IYD: variants seen among roughly 807,000 people sequenced by gnomAD.
IYD encodes iodotyrosine deiodinase.
IYD carries 25 observed loss-of-function variants against 28.4 expected under a neutral mutation model. The observed-to-expected ratio is 0.88, with a 90% confidence interval of 0.64 to 1.23. The LOEUF is 1.23. IYD is among the 50% of genes most tolerant of loss of function. The probability of loss-of-function intolerance (pLI) is 0.00; values close to 1 mark genes in which losing one functional copy is unlikely to be tolerated. For synonymous variants in IYD, 140 were observed against 130.8 expected (o/e 1.07, Z -0.48); for missense variants, 352 against 357.9 (o/e 0.98, Z 0.13).
intron 1 of IYD, 107 bp downstream of exon 1, chr6:150,369,316 T>G (rs1010715890): frequency 2.1e-5 from 22 of 1,044,796 alleles, no homozygotes; most frequent in African/African-American, 9.4e-5. Context: ...ACAGGCCAGC[T>G]TCAACATCAA....
intron 1 of IYD, among the ~76,000 whole-genome samples, chr6:150,381,907 A>G (rs1777659277): frequency 6.6e-6 from 1 of 152,182 alleles, no homozygotes; most frequent in South Asian, 2.1e-4. Context: ...GTCTATTTCT[A>G]GTTTAGGACT....
rs1490790586 is a variant in IYD at position 150,398,266 on chromosome 6, G to A, written c.*29G>A. 6.2e-7 allele frequency: 1 copy of A among 1,608,812 alleles called. No homozygotes were observed. Among genetic ancestry groups the A allele is most frequent in the East Asian group, 2.2e-5 (1 of 44,836 alleles). On this transcript the variant is annotated 3_prime_UTR_variant, in exon 5 of 5. Coordinates refer to ENST00000344419, the MANE Select transcript of IYD (RefSeq NM_203395.3). The stretch of plus-strand genomic sequence containing the variant: ...GGGCCCCCCAAGGGAGTGGCAGGGA[G>A]ATGGCGCCCCTGCTTTTCCCTGAGC...
intron 1 of IYD, chr6:150,370,594 C>T: frequency 1.0e-6 from 1 of 985,382 alleles, no homozygotes; most frequent in Non-Finnish European, 1.2e-6. Context: ...AAACCTCTTC[C>T]ACTCAGAACG....
In IYD at chr6:150,398,701, C is replaced by A. The variant is rs1304143908; in HGVS notation, c.*464C>A. On this transcript the variant is annotated 3_prime_UTR_variant, in exon 5 of 5. Transcript: ENST00000344419. ...TTGAGAACTACTTTTTTTTTTTTAC[C>A]AAACTTCAGGGACACTCTGCTAGTT... 1 of 156,692 alleles carries A rather than the reference C, an allele frequency of 6.4e-6. No homozygotes were observed. The highest frequency in any genetic ancestry group is 6.2e-5 in the Admixed American group (1 of 16,258). 9.7% of individuals were successfully genotyped at this position (156,692 alleles called of 1,614,324 possible). A position where few individuals can be genotyped will look rare whatever the true frequency, so the allele number is the denominator to read the frequency against.
Position 150,387,397 on chromosome 6 carries a change from A to C in IYD, c.179-1955A>C, listed in dbSNP as rs189660516. 1.3e-4 allele frequency among the ~76,000 whole-genome samples: 19 copies of C among 149,434 alleles called. No homozygotes were observed. The East Asian group carries it at 3.2e-3, about 25-fold the overall frequency. ...GCAACATAGCAAGACCCCATTTCTA[A>C]TTTTAAAAGAAGAGAAAGAAAAAAG... On this transcript the variant is annotated intron_variant, in intron 1 of 4. Transcript: ENST00000344419.
chr6:150,372,839 C>G (rs573387252), intron 1 of IYD, among the ~76,000 whole-genome samples: 15 of 152,154 alleles, frequency 9.9e-5, no homozygotes, highest in African/African-American at 3.6e-4. Flanking sequence ...CCTTTGCAAA[C>G]CAGCCAAGGT....
intron 2 of IYD, among the ~76,000 whole-genome samples, chr6:150,391,480 CCT>C (rs1271932388): frequency 6.6e-6 from 1 of 152,072 alleles, no homozygotes; most frequent in Non-Finnish European, 1.5e-5. Context: ...CAAAATTTCC[CCT>C]GAGTTTCTTT....
At chr6:150,386,838 C>T (rs757152140) in intron 1 of IYD, among the ~76,000 whole-genome samples, 2 of 151,686 alleles carry the variant, frequency 1.3e-5, no homozygotes, top group Admixed American at 1.3e-4. Context: ...GACTTTCAAC[C>T]TTTCTATATG....
intron 1 of IYD, among the ~76,000 whole-genome samples, chr6:150,385,492 TAAAA>T: frequency 6.6e-6 from 1 of 150,732 alleles, no homozygotes; most frequent in South Asian, 2.1e-4. Flanking sequence ...TTTAATGTGA[TAAAA>T]AAAAAAAGAT....
rs528996047 is a variant in IYD at position 150,404,375 on chromosome 6, C to T, written c.*6138C>T. On this transcript the variant is annotated 3_prime_UTR_variant, in exon 5 of 5. Coordinates refer to ENST00000344419, the MANE Select transcript of IYD (RefSeq NM_203395.3). The stretch of plus-strand genomic sequence containing the variant: ...AATTTGAAATGTGAAATTGATTTTA[C>T]GTTTGTGATTTGAAGTTGAAAGGTA... 3.3e-5 allele frequency: 5 copies of T among 152,188 alleles called. No individual in the cohort carries two copies. In the East Asian group the frequency reaches 5.8e-4, roughly 18 times the overall value. The allele number at this position is 152,188 out of a possible 1,614,324, so 9.4% of individuals were successfully genotyped here.
rs1240594924 is a variant in IYD, at chr6:150,403,197, A to G, written c.*4960A>G. On this transcript the variant is annotated 3_prime_UTR_variant, in exon 5 of 5. Coordinates refer to ENST00000344419, the MANE Select transcript of IYD (RefSeq NM_203395.3). ...AGGAATATCAGTAAGTGGAAGAAAA[A>G]CACATAGTTATCAGTGGATATTATG... The G allele has an allele frequency of 6.6e-6, 1 of 152,274 alleles. No individual in the cohort carries two copies. Among genetic ancestry groups the G allele is most frequent in the Non-Finnish European group, 1.5e-5 (1 of 68,052 alleles). 9.4% of individuals were successfully genotyped at this position (152,274 alleles called of 1,614,324 possible).
chr6:150,401,003 T>C lies in IYD; in HGVS notation c.*2766T>C, dbSNP rs1778494247. 6.6e-6 allele frequency: 1 copy of C among 152,216 alleles called. No homozygotes were observed. The highest frequency in any genetic ancestry group is 2.4e-5 in the African/African-American group (1 of 41,444). The allele number at this position is 152,216 out of a possible 1,614,324, so 9.4% of individuals were successfully genotyped here. On this transcript the variant is annotated 3_prime_UTR_variant, in exon 5 of 5. Transcript: ENST00000344419. ...TGAAGTACTGAGAGATGAAGCATCATATTGACAACTTACTCCAGGAAAAAA... is the reference window on the plus strand; with the variant it reads ...TGAAGTACTGAGAGATGAAGCATCACATTGACAACTTACTCCAGGAAAAAA...
Position 150,398,370 on chromosome 6 carries a change from C to CT in IYD, c.*133_*134insT. ...CCCCTCATTGCTCTTCTCAGGTGGC[C>CT]ACACTATGTCAAGAAGCCTCTCCAC... On this transcript the variant is annotated 3_prime_UTR_variant, in exon 5 of 5. Transcript: ENST00000344419. The CT allele has an allele frequency of 1.3e-6, 1 of 776,854 alleles. No individual in the cohort carries two copies. The highest frequency in any genetic ancestry group is 2.1e-6 in the Non-Finnish European group (1 of 466,382). The allele number at this position is 776,854 out of a possible 1,614,324, so 48.1% of individuals were successfully genotyped here.
chr6:150,387,580 C>T (rs1391348647), intron 1 of IYD, among the ~76,000 whole-genome samples: 2 of 151,980 alleles, frequency 1.3e-5, no homozygotes, highest in African/African-American at 4.8e-5. Flanking sequence ...GTATATTAGA[C>T]ATTCTCACTC....
intron 3 of IYD, among the ~76,000 whole-genome samples, chr6:150,393,182 C>T (rs1168220658): frequency 1.3e-5 from 2 of 152,174 alleles, no homozygotes; most frequent in African/African-American, 4.8e-5. Context: ...GCAATAACCA[C>T]AGGGGGTGGG....
chr6:150,395,245 A>G, intron 4 of IYD: 1 of 634,790 alleles, frequency 1.6e-6, no homozygotes, highest in Non-Finnish European at 2.7e-6. Flanking sequence ...CCCATAAAAT[A>G]AATGTAGAAA....
chr6:150,390,261 A>C (rs1425263719), intron 2 of IYD, among the ~76,000 whole-genome samples: 5 of 152,224 alleles, frequency 3.3e-5, no homozygotes, highest in Non-Finnish European at 7.3e-5. Flanking sequence ...AAAATACTTT[A>C]CTTCAGTTAG....
At position 150,380,584 on chromosome 6, in the gene IYD, T is replaced by C. The variant is rs541704851; in HGVS notation, c.179-8768T>C. ...AAAAGGCTGAATCCTCAATCCTACATGCTTTGAGGAGGCCAATTCCCTCTC... is the reference window on the plus strand; with the variant it reads ...AAAAGGCTGAATCCTCAATCCTACACGCTTTGAGGAGGCCAATTCCCTCTC... On this transcript the variant is annotated intron_variant, in intron 1 of 4. Coordinates refer to ENST00000344419, the MANE Select transcript of IYD (RefSeq NM_203395.3). Among the ~76,000 whole-genome samples the C allele has an allele frequency of 2.4e-4, 37 of 152,286 alleles. No individual in the cohort carries two copies. The Middle Eastern group carries it at 0.01, about 42-fold the overall frequency.
chr6:150,384,694 A>G (rs990620889), intron 1 of IYD: 2 of 152,210 alleles, frequency 1.3e-5, no homozygotes, highest in African/African-American at 4.8e-5. Context: ...AGTGAAATGA[A>G]GAAACAGTAT....
Sources: gnomAD v4.1 joint callset for allele counts (sites outside exome capture counted in the v4.1 genomes callset) on GRCh38, gnomAD v4.1.1 for gene constraint, MANE v1.5 for transcripts, NCBI Gene and HGNC (gene_info 2026-07-23, HGNC 2026-07-21) for gene names.